PCDH15: variants seen among roughly 807,000 people sequenced by gnomAD.
PCDH15 encodes protocadherin-15.
In PCDH15, 129 loss-of-function variants were observed where a neutral mutation model predicts 178.5. The observed-to-expected ratio is 0.72, with a 90% CI of 0.63 to 0.84. The LOEUF is 0.84. Among genes scored for constraint, PCDH15 ranks in the 40% least tolerant of loss-of-function variants. The pLI is 0.00. For synonymous variants in PCDH15, 800 were observed against 732.0 expected (o/e 1.09, Z -1.50); for missense variants, 2,230 against 2,099.9 (o/e 1.06, Z -1.21).
At chr10:54,520,135 T>C (rs548019425) in intron 3 of PCDH15, among the ~76,000 whole-genome samples, 1 of 152,270 alleles carries the variant, frequency 6.6e-6, no homozygotes, top group Non-Finnish European at 1.5e-5. Flanking sequence ...GGCAATACCA[T>C]TCAGGACATA....
chr10:55,514,150 A>C (rs1449468745), intron 2 of PCDH15, among the ~76,000 whole-genome samples: 1 of 152,166 alleles, frequency 6.6e-6, no homozygotes, highest in African/African-American at 2.4e-5. Flanking sequence ...AAAACATTTT[A>C]ATATATGAAT....
At chr10:54,656,694 G>A (rs760101994) in intron 2 of PCDH15, among the ~76,000 whole-genome samples, 12 of 152,176 alleles carry the variant, frequency 7.9e-5, no homozygotes, top group Non-Finnish European at 1.6e-4. Context: ...CTGAGGAACT[G>A]TGGATCCCTG....
intron 26 of PCDH15, among the ~76,000 whole-genome samples, chr10:53,893,857 G>A (rs930789599): frequency 6.6e-6 from 1 of 152,172 alleles, no homozygotes; most frequent in African/African-American, 2.4e-5. Context: ...ATGCTGCTTA[G>A]ATGACAGGTG....
At chr10:55,584,727 A>G (rs897454927) in intron 2 of PCDH15, among the ~76,000 whole-genome samples, 6 of 151,332 alleles carry the variant, frequency 4.0e-5, no homozygotes, top group Non-Finnish European at 5.9e-5. Flanking sequence ...TCTAAAATAG[A>G]TACAAGTATG....
intron 2 of PCDH15, among the ~76,000 whole-genome samples, chr10:55,364,944 A>C (rs1588956722): frequency 6.6e-6 from 1 of 152,190 alleles, no homozygotes; most frequent in South Asian, 2.1e-4. Flanking sequence ...GTCAATTATA[A>C]ATTTTTCAAT....
chr10:53,816,648 T>C (rs1380444649), intron 34 of PCDH15, among the ~76,000 whole-genome samples: 2 of 152,184 alleles, frequency 1.3e-5, no homozygotes, highest in African/African-American at 4.8e-5. Context: ...TTAACCTTGT[T>C]TTAAGTTGCC....
intron 35 of PCDH15, among the ~76,000 whole-genome samples, chr10:53,811,854 C>T (rs2075875201): frequency 6.6e-6 from 1 of 151,950 alleles, no homozygotes; most frequent in South Asian, 2.1e-4. Context: ...TATAATTTGA[C>T]CTGAAGAGGA....
intron 1 of PCDH15, among the ~76,000 whole-genome samples, chr10:55,212,965 A>G (rs1840607663): frequency 1.3e-5 from 2 of 152,148 alleles, no homozygotes; most frequent in Non-Finnish European, 2.9e-5. Context: ...ATTATAAGGT[A>G]GAACAGCAGA....
chr10:55,317,119 T>C (rs936781738), intron 1 of PCDH15, among the ~76,000 whole-genome samples: 2 of 152,152 alleles, frequency 1.3e-5, no homozygotes, highest in African/African-American at 2.4e-5. Flanking sequence ...CAGGGGCAGA[T>C]AGGGGAGGAG....
intron 1 of PCDH15, among the ~76,000 whole-genome samples, chr10:54,794,458 A>G (rs1216131313): frequency 7.0e-4 from 106 of 152,004 alleles, no homozygotes; most frequent in Non-Finnish European, 1.5e-4. Flanking sequence ...AATAAACCTT[A>G]TAAATATGCC....
intron 2 of PCDH15, chr10:54,656,068 C>T (rs1047258429): frequency 6.6e-6 from 1 of 152,098 alleles, no homozygotes; most frequent in African/African-American, 2.4e-5. Flanking sequence ...AATGTAGTTA[C>T]TATTAAAACT....
At chr10:53,995,589 A>T (rs1271194359) in intron 21 of PCDH15, 60 bp downstream of exon 21, 1 of 1,613,006 alleles carries the variant, frequency 6.2e-7, no homozygotes, top group African/African-American at 1.3e-5. Flanking sequence ...TCGGTCATTT[A>T]TGAGTGTTAA....
intron 2 of PCDH15, among the ~76,000 whole-genome samples, chr10:54,995,097 C>T (rs557704136): frequency 1.3e-5 from 2 of 152,154 alleles, no homozygotes; most frequent in South Asian, 4.2e-4. Flanking sequence ...TTAGTTTAGG[C>T]CGGGCACGGT....
chr10:55,272,652 A>G (rs1019041775), intron 1 of PCDH15, among the ~76,000 whole-genome samples: 2 of 151,870 alleles, frequency 1.3e-5, no homozygotes, highest in Non-Finnish European at 2.9e-5. Flanking sequence ...CTCCCAAAGT[A>G]TTGGGATTAC....
intron 26 of PCDH15, among the ~76,000 whole-genome samples, chr10:53,876,839 A>G (rs886846805): frequency 1.3e-5 from 2 of 152,202 alleles, no homozygotes; most frequent in African/African-American, 2.4e-5. Context: ...AACTCATTGT[A>G]GAAACAGCAA....
chr10:53,857,252 G>T lies in PCDH15; in HGVS notation c.3729C>A (p.Val1243=). ...CAATGACTTGCATATCCAGCTGATT[G>T]ACCACGGAGACCTGAAAGAAGAAAA... ...SGKADVLVSV[V]NQLDMQVIVS... Residue 1243 remains valine, a synonymous_variant, in exon 28 of 38, where the codon GTC becomes GTA. Coordinates refer to ENST00000644397, the MANE Select transcript of PCDH15 (RefSeq NM_001384140.1). 6.2e-7 allele frequency: 1 copy of T among 1,610,058 alleles called. No homozygotes were observed. Among genetic ancestry groups the T allele is most frequent in the Non-Finnish European group, 8.5e-7 (1 of 1,177,030 alleles).
chr10:54,519,011 A>G (rs545508155), intron 3 of PCDH15, among the ~76,000 whole-genome samples: 24 of 152,296 alleles, frequency 1.6e-4, no homozygotes, highest in Non-Finnish European at 2.5e-4. Flanking sequence ...AAATTCAACA[A>G]TCCTTCATGC....
chr10:53,961,829 T>C lies in PCDH15; in HGVS notation c.2932A>G (p.Ile978Val), dbSNP rs755894176. 12 of 1,611,416 alleles carry C rather than the reference T, an allele frequency of 7.4e-6. No individual in the cohort carries two copies. Among genetic ancestry groups the C allele is most frequent in the Non-Finnish European group, 9.3e-6 (11 of 1,178,120 alleles). Residue 978 changes from isoleucine to valine, a missense_variant, in exon 22 of 38, where the codon ATT becomes GTT. Physicochemically the swap from Ile to Val is conservative, Grantham distance 29 (BLOSUM62 3). Coordinates refer to ENST00000644397, the MANE Select transcript of PCDH15 (RefSeq NM_001384140.1). ...CCAGAATCTTCTTCCACTTCAAAAATACTGGCAGGGTAAGGAAACTGTACA... is the reference window on the plus strand; with the variant it reads ...CCAGAATCTTCTTCCACTTCAAAAACACTGGCAGGGTAAGGAAACTGTACA... ...DDVQFPYPAS[I>V]FEVEEDSGRV...
At chr10:55,360,667 T>C (rs1342515096) in intron 2 of PCDH15, among the ~76,000 whole-genome samples, 1 of 152,034 alleles carries the variant, frequency 6.6e-6, no homozygotes, top group Non-Finnish European at 1.5e-5. Flanking sequence ...GATATCTCTA[T>C]GTACTCACCT....
Sources: gnomAD v4.1 joint callset for allele counts (sites outside exome capture counted in the v4.1 genomes callset) on GRCh38, gnomAD v4.1.1 for gene constraint, MANE v1.5 for transcripts, NCBI Gene and HGNC (gene_info 2026-07-23, HGNC 2026-07-21) for gene names.